The following ZFYVE26 variants were observed in gnomAD, a reference collection of about 807,000 sequenced individuals.
The protein encoded by ZFYVE26 is zinc finger FYVE-type containing 26.
A neutral mutation model predicts 276.5 loss-of-function variants in ZFYVE26; 181 were observed. That is an observed-to-expected ratio of 0.65 (90% CI 0.58 to 0.74). The LOEUF is 0.74. ZFYVE26 is among the 30% of genes least tolerant of loss of function. The probability of loss-of-function intolerance (pLI) is 0.00; values close to 1 mark genes in which losing one functional copy is unlikely to be tolerated. For missense variants in ZFYVE26, 2,821 were observed against 3,097.9 expected (o/e 0.91, Z 2.12); for synonymous variants, 1,129 against 1,203.1 (o/e 0.94, Z 1.27).
chr14:67,799,674 A>T, intron 10 of ZFYVE26: 1 of 1,184,578 alleles, frequency 8.4e-7, no homozygotes, highest in Non-Finnish European at 1.2e-6. Flanking sequence ...GGTGCTGGCA[A>T]GATTTGAAGG....
chr14:67,792,913 C>CAAAA (rs34041446), intron 14 of ZFYVE26, among the ~76,000 whole-genome samples: 2,718 of 56,500 alleles, frequency 0.048, 108 homozygotes, highest in Non-Finnish European at 0.067. Flanking sequence ...AAATCTGTCT[C>CAAAA]AAAAAAAAAA....
intron 30 of ZFYVE26, 96 bp downstream of exon 30, chr14:67,768,421 A>C: frequency 7.2e-7 from 1 of 1,385,184 alleles, no homozygotes; most frequent in Non-Finnish European, 1.0e-6. Flanking sequence ...GGAGTGCATA[A>C]GTTGGACAAG....
At chr14:67,777,024 A>T (rs1765804563) in intron 25 of ZFYVE26, among the ~76,000 whole-genome samples, 6 of 152,226 alleles carry the variant, frequency 3.9e-5, no homozygotes, top group Admixed American at 3.3e-4. Context: ...CATCAAAGGT[A>T]AGAACTTATC....
chr14:67,814,139 T>C, intron 2 of ZFYVE26, 75 bp from the exon 3 acceptor site: 1 of 1,178,236 alleles, frequency 8.5e-7, no homozygotes, highest in African/African-American at 1.5e-5. Flanking sequence ...CCAAGACAGA[T>C]TTCATTGCTT....
At chr14:67,732,126 C>CAA (rs71129854) in intron 13 of ZFYVE26, among the ~76,000 whole-genome samples, 66 of 77,188 alleles carry the variant, frequency 8.6e-4, no homozygotes, top group East Asian at 1.2e-3. Flanking sequence ...GACTCTGTCT[C>CAA]AAAAAAAAAA....
intron 38 of ZFYVE26, 70 bp from the exon 39 acceptor site, chr14:67,753,836 G>A: frequency 6.4e-7 from 1 of 1,557,998 alleles, no homozygotes; most frequent in Admixed American, 1.7e-5. Flanking sequence ...CAAGAATGAA[G>A]GCCTCTATTT....
intron 14 of ZFYVE26, 147 bp downstream of exon 14, chr14:67,793,461 C>T (rs2039872501): frequency 8.3e-6 from 7 of 846,692 alleles, no homozygotes; most frequent in African/African-American, 5.0e-5. Context: ...AAGACTGGGC[C>T]TGGGCACATG....
Position 67,797,906 on chromosome 14 carries a change from T to C in ZFYVE26, c.2248+108A>G, listed in dbSNP as rs914824864. Reference sequence around the variant, plus strand: ...GACACTGGTTGCCATGGTGACGATATGCCCTGAGTTATGGGGTGACTCCTA... The same window carrying C: ...GACACTGGTTGCCATGGTGACGATACGCCCTGAGTTATGGGGTGACTCCTA... On this transcript the variant is annotated intron_variant, in intron 11 of 41. Coordinates refer to ENST00000347230, the MANE Select transcript of ZFYVE26 (RefSeq NM_015346.4). 46 of 1,596,004 alleles carry C rather than the reference T, an allele frequency of 2.9e-5. No homozygotes were observed. The South Asian group carries it at 4.1e-4, about 14-fold the overall frequency.
At chr14:67,772,821 C>G (rs2140208483) in intron 27 of ZFYVE26, among the ~76,000 whole-genome samples, 1 of 152,162 alleles carries the variant, frequency 6.6e-6, no homozygotes, top group African/African-American at 2.4e-5. Context: ...GTTAGCCAGA[C>G]ATGGTGGTGT....
rs760234613 is a variant in ZFYVE26 at position 67,757,709 on chromosome 14, CTCTT to C, written c.6589-1568_6589-1565del. On this transcript the variant is annotated intron_variant, in intron 35 of 41. Coordinates refer to ENST00000347230, the MANE Select transcript of ZFYVE26 (RefSeq NM_015346.4). ...CTCTCTCTTTCCTTTCTTTCTCTCT[CTCTT>C]TCTTTCTTTTTCTTTTTTTAAGACA... Among the ~76,000 whole-genome samples, 200 of 146,478 alleles carry C rather than the reference CTCTT, an allele frequency of 1.4e-3. 2 individuals are homozygous for C. Among genetic ancestry groups the C allele is most frequent in the Admixed American group, 2.3e-3 (33 of 14,622 alleles).
At chr14:67,754,583 A>G (rs951903174) in intron 37 of ZFYVE26, among the ~76,000 whole-genome samples, 1 of 152,264 alleles carries the variant, frequency 6.6e-6, no homozygotes, top group African/African-American at 2.4e-5. Flanking sequence ...ATAGTTAGCA[A>G]TTAAGCCTCT....
At chr14:67,770,692 A>C (rs925819206) in intron 28 of ZFYVE26, among the ~76,000 whole-genome samples, 2 of 152,222 alleles carry the variant, frequency 1.3e-5, no homozygotes, top group East Asian at 3.8e-4. Context: ...CAAAGCACTT[A>C]GTATCATGCC....
chr14:67,787,227 C>G (rs908199542), intron 16 of ZFYVE26, among the ~76,000 whole-genome samples: 1 of 152,040 alleles, frequency 6.6e-6, no homozygotes, highest in Non-Finnish European at 1.5e-5. Context: ...ACCTGTCATT[C>G]TAGCTACTGC....
downstream of ZFYVE26, among the ~76,000 whole-genome samples, chr14:67,743,538 A>G (rs2038444796): frequency 6.6e-6 from 1 of 151,022 alleles, no homozygotes; most frequent in Non-Finnish European, 1.5e-5. Flanking sequence ...AAATAAAATA[A>G]AATAAAATAA....
intron 40 of ZFYVE26, 50 bp from the exon 41 acceptor site, chr14:67,751,146 T>C (rs1594880950): frequency 6.2e-7 from 1 of 1,610,458 alleles, no homozygotes; most frequent in Non-Finnish European, 8.5e-7. Context: ...TCCCGCAGTC[T>C]GGGAGCCAGG....
rs1297257762 is a variant in ZFYVE26 at position 67,755,236 on chromosome 14, G to A, written c.6801C>T (p.Ala2267=). 1.2e-5 allele frequency: 19 copies of A among 1,613,974 alleles called. No homozygotes were observed. The highest frequency in any genetic ancestry group is 7.7e-5 in the South Asian group (7 of 91,070). ...LQQFMKDQVR[A]AMTCIRFFSH... Reference sequence around the variant, plus strand: ...TGAAGAACCGAATACAGGTCATGGCGGCCCGAACTTGGTCCTAGAAGAGGA... The same window carrying A: ...TGAAGAACCGAATACAGGTCATGGCAGCCCGAACTTGGTCCTAGAAGAGGA... The change falls in exon 37 of 42, where the codon GCC becomes GCT. Residue 2267 remains alanine (A), a synonymous_variant. Transcript: ENST00000347230.
chr14:67,785,044 T>C lies in ZFYVE26; in HGVS notation c.3523+15A>G. ...AGGTCTGCCATGAATCTATTGCCTC[T>C]TTCTTGCTACCTACCAGGCTCAGAG... On this transcript the variant is annotated intron_variant, in intron 19 of 41. Transcript: ENST00000347230. 3.7e-6 allele frequency: 6 copies of C among 1,614,018 alleles called. No individual in the cohort carries two copies. Among genetic ancestry groups the C allele is most frequent in the Non-Finnish European group, 5.1e-6 (6 of 1,179,924 alleles).
intron 13 of ZFYVE26, among the ~76,000 whole-genome samples, chr14:67,739,891 GATTA>G (rs1367449631): frequency 2.0e-5 from 3 of 152,180 alleles, no homozygotes; most frequent in African/African-American, 7.2e-5. Context: ...GATAGGAGGA[GATTA>G]ATTATTGTAA....
chr14:67,729,710 G>C lies in ZFYVE26; in HGVS notation n.2789C>G, dbSNP rs775327581. 24 of 538,446 alleles carry C rather than the reference G, an allele frequency of 4.5e-5. No homozygotes were observed. The East Asian group carries it at 1.0e-3, about 23-fold the overall frequency. The allele number at this position is 538,446 out of a possible 1,614,324, so 33.4% of individuals were successfully genotyped here. A position where few individuals can be genotyped will look rare whatever the true frequency, so the allele number is the denominator to read the frequency against. On this transcript the variant is annotated non_coding_transcript_exon_variant, in exon 14 of 15. Coordinates refer to the ZFYVE26 transcript ENST00000394455. ...GTTTTTCTCCTTCTTTAAGCTTTTGGCTCACTTGATTCATGAATTTTTAAA... is the reference window on the plus strand; with the variant it reads ...GTTTTTCTCCTTCTTTAAGCTTTTGCCTCACTTGATTCATGAATTTTTAAA...
Sources: allele counts gnomAD v4.1 joint callset (sites outside exome capture counted in the v4.1 genomes callset), GRCh38; gene constraint gnomAD v4.1.1; transcripts MANE v1.5; gene names NCBI Gene and HGNC (gene_info 2026-07-23, HGNC 2026-07-21).